Variants in FAR2 observed in about 807,000 individuals in gnomAD.
FAR2 encodes the protein fatty acyl-CoA reductase 2.
A neutral mutation model predicts 56.0 loss-of-function variants in FAR2; 19 were observed. The observed-to-expected ratio is 0.34, with a 90% CI of 0.24 to 0.50. The LOEUF (loss-of-function observed/expected upper bound fraction) is 0.50, where lower values mean the gene tolerates loss of function less well. Ranked by LOEUF, FAR2 falls within the 20% of genes least tolerant of loss-of-function variation. FAR2 has a pLI of 0.98. For missense variants in FAR2, 508 were observed against 642.2 expected, an observed-to-expected ratio of 0.79 and a Z score of 2.26; for synonymous variants, 219 against 218.8, an observed-to-expected ratio of 1.00 and a Z score of -0.01.
chr12:29,268,238 T>C (rs1037731198), intron 1 of FAR2, among the ~76,000 whole-genome samples: 12 of 152,198 alleles, frequency 7.9e-5, no homozygotes, highest in African/African-American at 2.9e-4. Context: ...GGAGCTGTTC[T>C]GCAGGATCCA....
intron 1 of FAR2, among the ~76,000 whole-genome samples, chr12:29,159,353 A>G (rs1949759570): frequency 6.6e-6 from 1 of 152,178 alleles, no homozygotes; most frequent in East Asian, 1.9e-4. Context: ...CCAGGCTAAC[A>G]TGGTGAAACC....
At chr12:29,212,141 A>T (rs942033380) in intron 1 of FAR2, among the ~76,000 whole-genome samples, 12 of 152,044 alleles carry the variant, frequency 7.9e-5, no homozygotes, top group African/African-American at 2.9e-4. Context: ...TTTGAGAACA[A>T]ATACCTATTC....
At chr12:29,325,367 C>G (rs950061384) in intron 10 of FAR2, among the ~76,000 whole-genome samples, 2 of 152,092 alleles carry the variant, frequency 1.3e-5, no homozygotes, top group African/African-American at 4.8e-5. Context: ...CAAGGATATC[C>G]AGGAATTGAA....
chr12:29,316,100 CATA>C (rs1353127820), intron 8 of FAR2, among the ~76,000 whole-genome samples: 1 of 151,160 alleles, frequency 6.6e-6, no homozygotes, highest in African/African-American at 2.4e-5. Context: ...ATCATATTAC[CATA>C]ATAAGTGATA....
At chr12:29,268,073 C>G (rs190498846) in intron 1 of FAR2, among the ~76,000 whole-genome samples, 2 of 152,274 alleles carry the variant, frequency 1.3e-5, no homozygotes, top group African/African-American at 4.8e-5. Flanking sequence ...AGAACATGGA[C>G]TCAAGATCTT....
In FAR2 at chr12:29,270,415, C is replaced by G. The variant is rs577615040; in HGVS notation, c.-35C>G. The G allele has an allele frequency of 6.8e-7, 1 of 1,479,414 alleles. No individual in the cohort carries two copies. Among genetic ancestry groups the G allele is most frequent in the Admixed American group, 2.1e-5 (1 of 46,780 alleles). The allele number at this position is 1,479,414 out of a possible 1,614,324, so 91.6% of individuals were successfully genotyped here. On this transcript the variant is annotated 5_prime_UTR_variant, in exon 2 of 12. Coordinates refer to ENST00000536681, the MANE Select transcript of FAR2 (RefSeq NM_001271783.2). ...TGTTATTTCTCTTCCTTTTCAGGAACCTCTTTCAGGAGCTATAAAAGAAAG... is the reference window on the plus strand; with the variant it reads ...TGTTATTTCTCTTCCTTTTCAGGAAGCTCTTTCAGGAGCTATAAAAGAAAG...
At chr12:29,323,525 G>T (rs904363921) in intron 10 of FAR2, among the ~76,000 whole-genome samples, 2 of 152,176 alleles carry the variant, frequency 1.3e-5, no homozygotes, top group Admixed American at 6.5e-5. Flanking sequence ...ACATCACACG[G>T]CCAGGTACTC....
chr12:29,212,942 AATT>A (rs918245848), intron 1 of FAR2, among the ~76,000 whole-genome samples: 5 of 152,198 alleles, frequency 3.3e-5, no homozygotes, highest in Non-Finnish European at 5.9e-5. Flanking sequence ...AGGGCTAAAT[AATT>A]ATTATCATTT....
intron 10 of FAR2, 23 bp downstream of exon 10, chr12:29,321,947 C>A: frequency 6.3e-7 from 1 of 1,593,600 alleles, no homozygotes; most frequent in South Asian, 1.1e-5. Context: ...CTGACTTAAG[C>A]ACCAGGAAAA....
At chr12:29,309,968 G>A (rs1014407194) in intron 6 of FAR2, 3 of 152,192 alleles carry the variant, frequency 2.0e-5, no homozygotes, top group Admixed American at 6.5e-5. Context: ...TTTAGACTGC[G>A]ATTCAGACTC....
intron 1 of FAR2, among the ~76,000 whole-genome samples, chr12:29,159,560 G>C (rs1283725714): frequency 6.6e-6 from 1 of 150,798 alleles, no homozygotes; most frequent in African/African-American, 2.4e-5. Flanking sequence ...AAATAGAGTT[G>C]AAATGAATTA....
intron 1 of FAR2, among the ~76,000 whole-genome samples, chr12:29,199,613 A>AAG (rs1454164753): frequency 0.029 from 731 of 25,226 alleles, 26 homozygotes; most frequent in Non-Finnish European, 0.093. Flanking sequence ...AAAAAAAAAA[A>AAG]AAGAAAGAAA....
chr12:29,195,795 G>A, intron 1 of FAR2, among the ~76,000 whole-genome samples: 1 of 152,046 alleles, frequency 6.6e-6, no homozygotes, highest in African/African-American at 2.4e-5. Flanking sequence ...TGGGCTTTTA[G>A]TGTAACTATC....
chr12:29,243,497 T>C (rs1344224985), intron 1 of FAR2, among the ~76,000 whole-genome samples: 1 of 152,246 alleles, frequency 6.6e-6, no homozygotes, highest in Non-Finnish European at 1.5e-5. Context: ...AGAGCAGTCA[T>C]GTAGCAGGTG....
chr12:29,261,286 C>CAT (rs1211865205), intron 1 of FAR2, among the ~76,000 whole-genome samples: 1 of 152,088 alleles, frequency 6.6e-6, no homozygotes, highest in African/African-American at 2.4e-5. Context: ...ATGTAGTTGA[C>CAT]ATACTGAAGA....
At chr12:29,271,534 TC>T (rs1208065638) in intron 2 of FAR2, among the ~76,000 whole-genome samples, 2 of 152,214 alleles carry the variant, frequency 1.3e-5, no homozygotes, top group Non-Finnish European at 2.9e-5. Context: ...TTTTTTACAA[TC>T]TCCTTTCCAG....
At chr12:29,261,195 G>T (rs1016720965) in intron 1 of FAR2, among the ~76,000 whole-genome samples, 4 of 152,122 alleles carry the variant, frequency 2.6e-5, no homozygotes, top group Non-Finnish European at 5.9e-5. Flanking sequence ...ACACAGAGAA[G>T]GAATTTAGAA....
chr12:29,267,692 C>T (rs1948541936), intron 1 of FAR2, among the ~76,000 whole-genome samples: 2 of 152,166 alleles, frequency 1.3e-5, no homozygotes, highest in African/African-American at 4.8e-5. Context: ...ATGACAAAAA[C>T]AAGATCCAAA....
intron 1 of FAR2, among the ~76,000 whole-genome samples, chr12:29,186,964 A>G (rs1020110911): frequency 6.6e-6 from 1 of 151,750 alleles, no homozygotes; most frequent in Non-Finnish European, 1.5e-5. Flanking sequence ...AATTTTTTGT[A>G]TTTTTAGTAG....
Sources: gnomAD v4.1 joint callset for allele counts (sites outside exome capture counted in the v4.1 genomes callset) on GRCh38, gnomAD v4.1.1 for gene constraint, MANE v1.5 for transcripts, NCBI Gene and HGNC (gene_info 2026-07-23, HGNC 2026-07-21) for gene names.